RBL2: variants seen among roughly 807,000 people sequenced by gnomAD.
RBL2 encodes the protein retinoblastoma-like protein 2.
RBL2 carries 56 observed loss-of-function variants against 126.0 expected under a neutral mutation model. The observed-to-expected ratio is 0.44, with a 90% confidence interval of 0.36 to 0.56. The LOEUF (loss-of-function observed/expected upper bound fraction) is 0.56, where lower values mean the gene tolerates loss of function less well. Ranked by LOEUF, RBL2 falls within the 20% of genes least tolerant of loss-of-function variation. RBL2 has a pLI of 0.00. For missense variants in RBL2, 1,229 were observed against 1,398.2 expected (o/e 0.88, Z 1.93); for synonymous variants, 454 against 478.5 (o/e 0.95, Z 0.67).
intron 4 of RBL2, chr16:53,448,973 G>C (rs184971308): frequency 6.6e-6 from 1 of 152,320 alleles, no homozygotes; most frequent in East Asian, 1.9e-4. Flanking sequence ...GCTAATTAGG[G>C]TGAGAGCCGC....
At chr16:53,434,843 C>T (rs118012479) in intron 1 of RBL2, 47 bp downstream of exon 1, 72,856 of 1,437,532 alleles carry the variant, frequency 0.051, 2,327 homozygotes, top group Middle Eastern at 0.096. Flanking sequence ...TGGCGTGAAC[C>T]GGTGCCTTCC....
rs2058317204 is a variant in RBL2, at chr16:53,470,893, T to C, written c.2674T>C (p.Leu892=). ...LMMDRHLDQL[L]MCAIYVMAKV... Reference sequence around the variant, plus strand: ...GATGGACAGACATCTGGACCAGTTATTAATGTGTGCCATTTATGTGATGGC... The same window carrying C: ...GATGGACAGACATCTGGACCAGTTACTAATGTGTGCCATTTATGTGATGGC... Residue 892 remains leucine (L), a synonymous_variant, in exon 17 of 22, where the codon TTA becomes CTA. Coordinates refer to ENST00000262133, the MANE Select transcript of RBL2 (RefSeq NM_005611.4). 1 of 1,613,542 alleles carries C rather than the reference T, an allele frequency of 6.2e-7. No homozygotes were observed. Among genetic ancestry groups the C allele is most frequent in the South Asian group, 1.1e-5 (1 of 90,886 alleles).
chr16:53,482,771 T>C (rs1476347874), intron 21 of RBL2, among the ~76,000 whole-genome samples: 3 of 149,886 alleles, frequency 2.0e-5, no homozygotes, highest in Non-Finnish European at 4.4e-5. Flanking sequence ...GATCGCGCCA[T>C]TGCACTCCAG....
At chr16:53,438,139 G>A (rs1598084324) in intron 1 of RBL2, among the ~76,000 whole-genome samples, 2 of 152,166 alleles carry the variant, frequency 1.3e-5, no homozygotes, top group Admixed American at 6.5e-5. Context: ...TTGGTCACAG[G>A]TTCTGTGAGT....
chr16:53,439,340 T>C (rs530396262), intron 2 of RBL2, among the ~76,000 whole-genome samples, 194 bp downstream of exon 2: 1 of 152,216 alleles, frequency 6.6e-6, no homozygotes, highest in Non-Finnish European at 1.5e-5. Context: ...ATTTTACTTC[T>C]TTGGTGAAAA....
intron 8 of RBL2, among the ~76,000 whole-genome samples, chr16:53,457,759 A>G (rs757775964): frequency 1.2e-4 from 18 of 152,226 alleles, no homozygotes; most frequent in Non-Finnish European, 2.2e-4. Context: ...ATCAGAATGA[A>G]CAGGAAGCTT....
intron 8 of RBL2, 65 bp from the exon 9 acceptor site, chr16:53,459,386 T>C: frequency 7.3e-7 from 1 of 1,363,344 alleles, no homozygotes; most frequent in Admixed American, 2.0e-5. Context: ...TTAAAGTCTT[T>C]CTGGCCTAAA....
chr16:53,455,286 A>G (rs2058156535), intron 8 of RBL2, among the ~76,000 whole-genome samples: 1 of 152,212 alleles, frequency 6.6e-6, no homozygotes, highest in African/African-American at 2.4e-5. Flanking sequence ...TCAAACAGAC[A>G]CTTAGAGTGA....
intron 21 of RBL2, among the ~76,000 whole-genome samples, chr16:53,486,468 C>T (rs1475142517): frequency 6.6e-6 from 1 of 152,142 alleles, no homozygotes; most frequent in Admixed American, 6.6e-5. Flanking sequence ...GCCCAGATGG[C>T]TTCATTGGTA....
At position 53,467,047 on chromosome 16, in the gene RBL2, A is replaced by T. The variant is rs1028932905; in HGVS notation, c.1864-11A>T. The T allele has an allele frequency of 6.2e-7, 1 of 1,606,220 alleles. No homozygotes were observed. Among genetic ancestry groups the T allele is most frequent in the Non-Finnish European group, 8.5e-7 (1 of 1,174,816 alleles). On this transcript the variant is annotated splice_polypyrimidine_tract_variant and intron_variant, in intron 13 of 21. Coordinates refer to ENST00000262133, the MANE Select transcript of RBL2 (RefSeq NM_005611.4). ...TGGATACTGGCATTCTGTGTAACCAATTCTTCATAGGTCATGCCACCTCAG... is the reference window on the plus strand; with the variant it reads ...TGGATACTGGCATTCTGTGTAACCATTTCTTCATAGGTCATGCCACCTCAG...
chr16:53,469,222 T>G (rs2058298085), intron 14 of RBL2, among the ~76,000 whole-genome samples: 1 of 152,102 alleles, frequency 6.6e-6, no homozygotes, highest in Non-Finnish European at 1.5e-5. Context: ...AGAGTAAGAC[T>G]CTGTCTCAAA....
rs556049223 is a variant in RBL2, at chr16:53,435,808, A to G, written c.240+1012A>G. On this transcript the variant is annotated intron_variant, in intron 1 of 21. Coordinates refer to ENST00000262133, the MANE Select transcript of RBL2 (RefSeq NM_005611.4). ...ATGAGTGAGGTTATTTTTAATTTGT[A>G]TTTGCATTAATAGAATTTTAATTCA... 5 of 1,185,466 alleles carry G rather than the reference A, an allele frequency of 4.2e-6. No individual in the cohort carries two copies. The African/African-American group carries it at 4.8e-5, about 11-fold the overall frequency. The allele number at this position is 1,185,466 out of a possible 1,614,324, so 73.4% of individuals were successfully genotyped here.
Position 53,470,808 on chromosome 16 carries a change from ATTGAGGAAAAAAAT to A in RBL2, c.2590_2603del (p.Arg865AspfsTer4). ...GTGCCAAACTAGATATTTCAGATGA[ATTGAGGAAAAAAAT>A]CTGGACCTGCTTTGAATTCTCCATA... On this transcript the variant is annotated frameshift_variant, in exon 17 of 22. Coordinates refer to ENST00000262133, the MANE Select transcript of RBL2 (RefSeq NM_005611.4). LOFTEE classifies it high-confidence loss of function. The A allele has an allele frequency of 6.2e-7, 1 of 1,614,220 alleles. No individual in the cohort carries two copies. Among genetic ancestry groups the A allele is most frequent in the Non-Finnish European group, 8.5e-7 (1 of 1,180,028 alleles).
At chr16:53,450,227 A>G (rs1215800773) in intron 4 of RBL2, among the ~76,000 whole-genome samples, 1 of 152,022 alleles carries the variant, frequency 6.6e-6, no homozygotes, top group Non-Finnish European at 1.5e-5. Context: ...AGTTCATTTA[A>G]GTTGATTTGT....
chr16:53,445,666 A>G (rs923286765), intron 3 of RBL2: 8 of 152,214 alleles, frequency 5.3e-5, no homozygotes, highest in African/African-American at 1.9e-4. Context: ...TCTCTCACAC[A>G]CTATCTGAAA....
chr16:53,474,202 G>A (rs142568855), intron 17 of RBL2, among the ~76,000 whole-genome samples: 124 of 152,266 alleles, frequency 8.1e-4, no homozygotes, highest in Admixed American at 2.7e-3. Flanking sequence ...TGTTGCACAG[G>A]CTGGTCTCGA....
chr16:53,435,314 C>T (rs2057947407), intron 1 of RBL2, among the ~76,000 whole-genome samples: 1 of 152,102 alleles, frequency 6.6e-6, no homozygotes, highest in Admixed American at 6.6e-5. Context: ...GCTGTGTTTA[C>T]GTCTGTGTAA....
At chr16:53,438,542 A>G (rs1012442866) in intron 1 of RBL2, among the ~76,000 whole-genome samples, 8 of 152,116 alleles carry the variant, frequency 5.3e-5, no homozygotes, top group African/African-American at 1.9e-4. Flanking sequence ...TTAATGTCAC[A>G]TTATAAGAAG....
At chr16:53,485,344 A>G (rs1330872214) in intron 21 of RBL2, among the ~76,000 whole-genome samples, 1 of 152,248 alleles carries the variant, frequency 6.6e-6, no homozygotes, top group Middle Eastern at 3.2e-3. Flanking sequence ...AAATTAGAAA[A>G]TATTTTGAAC....
Sources: gnomAD v4.1 joint callset for allele counts (sites outside exome capture counted in the v4.1 genomes callset) on GRCh38, gnomAD v4.1.1 for gene constraint, MANE v1.5 for transcripts, NCBI Gene and HGNC (gene_info 2026-07-23, HGNC 2026-07-21) for gene names.